ADAMTSL1: variants seen among roughly 807,000 people sequenced by gnomAD.
ADAMTSL1 encodes ADAMTS like 1, also known as ADAMTS-like protein 1.
ADAMTSL1 carries 126 observed loss-of-function variants against 201.8 expected under a neutral mutation model. That is an observed-to-expected ratio of 0.62 (90% CI 0.54 to 0.72). ADAMTSL1 has a LOEUF of 0.72. Ranked by LOEUF, ADAMTSL1 falls within the 30% of genes least tolerant of loss-of-function variation. The pLI, the probability that ADAMTSL1 is intolerant of heterozygous loss-of-function variation, is 0.00. For synonymous variants in ADAMTSL1, 1,121 were observed against 903.4 expected, an observed-to-expected ratio of 1.24 and a Z score of -4.32; for missense variants, 2,679 against 2,277.8, an observed-to-expected ratio of 1.18 and a Z score of -3.59.
chr9:18,802,746 G>A (rs1002209691), intron 20 of ADAMTSL1, among the ~76,000 whole-genome samples: 14 of 152,258 alleles, frequency 9.2e-5, no homozygotes, highest in African/African-American at 2.9e-4. Flanking sequence ...TTTCTGGGTT[G>A]TTTGGCGCAT....
chr9:18,081,167 A>C (rs1056839343), intron 1 of ADAMTSL1, among the ~76,000 whole-genome samples: 1 of 152,214 alleles, frequency 6.6e-6, no homozygotes, highest in Non-Finnish European at 1.5e-5. Flanking sequence ...TGATAAGTCT[A>C]GTCTATCAGA....
At chr9:18,471,570 A>G (rs1459293005), upstream of ADAMTSL1, among the ~76,000 whole-genome samples, 1 of 152,214 alleles carries the variant, frequency 6.6e-6, no homozygotes, top group African/African-American at 2.4e-5. Context: ...CCTTAACCCA[A>G]CTTGATTTTG....
At chr9:17,939,230 G>A (rs1038091566) in intron 1 of ADAMTSL1, among the ~76,000 whole-genome samples, 4 of 151,352 alleles carry the variant, frequency 2.6e-5, no homozygotes, top group Admixed American at 2.0e-4. Flanking sequence ...CCTTTCTCTT[G>A]TAAACTATTT....
At chr9:18,776,652 C>A in intron 18 of ADAMTSL1, 129 bp from the exon 19 acceptor site, 1 of 1,094,576 alleles carries the variant, frequency 9.1e-7, no homozygotes, top group Non-Finnish European at 1.3e-6. Flanking sequence ...CGTCCTCCGG[C>A]ACCTTCGTCT....
chr9:18,544,669 C>A (rs767822730), intron 3 of ADAMTSL1, among the ~76,000 whole-genome samples: 2 of 152,180 alleles, frequency 1.3e-5, no homozygotes, highest in African/African-American at 2.4e-5. Flanking sequence ...AAGCAATCAC[C>A]TATATTATTG....
At chr9:18,829,731 C>T (rs1824854192) in intron 22 of ADAMTSL1, 112 bp from the exon 23 acceptor site, 1 of 1,347,928 alleles carries the variant, frequency 7.4e-7, no homozygotes, top group East Asian at 2.3e-5. Flanking sequence ...ATAGTAATGC[C>T]TATCTTACAT....
At chr9:18,549,525 C>T (rs540487445) in intron 3 of ADAMTSL1, among the ~76,000 whole-genome samples, 2 of 151,944 alleles carry the variant, frequency 1.3e-5, no homozygotes, top group Non-Finnish European at 1.5e-5. Context: ...CAATGGTGAT[C>T]CCCAAAGGGG....
intron 13 of ADAMTSL1, among the ~76,000 whole-genome samples, chr9:18,694,108 C>T (rs1346893818): frequency 6.6e-6 from 1 of 152,044 alleles, no homozygotes; most frequent in East Asian, 1.9e-4. Flanking sequence ...TTTTAAACAA[C>T]CAGATCTCGT....
intron 4 of ADAMTSL1, among the ~76,000 whole-genome samples, chr9:18,614,292 A>C (rs1474207047): frequency 6.6e-6 from 1 of 152,136 alleles, no homozygotes; most frequent in Non-Finnish European, 1.5e-5. Context: ...GTGTCTCTTC[A>C]TTGCCATCTA....
rs1165469563 is a variant in ADAMTSL1, at chr9:18,892,612, GGTT to G, written c.4851+20_4851+22del. 28 of 1,550,680 alleles carry G rather than the reference GGTT, an allele frequency of 1.8e-5. No homozygotes were observed. Among genetic ancestry groups the G allele is most frequent in the Non-Finnish European group, 2.3e-5 (26 of 1,146,884 alleles). The stretch of plus-strand genomic sequence containing the variant: ...CTGGGGCCAGGTGAGGAGCCAGAGA[GGTT>G]GTTATTTGAAAGCTAAATCTAAAGG... On this transcript the variant is annotated intron_variant, in intron 26 of 28. Coordinates refer to ENST00000380548, the MANE Select transcript of ADAMTSL1 (RefSeq NM_001040272.6).
chr9:18,253,280 T>C (rs566117358), intron 2 of ADAMTSL1, among the ~76,000 whole-genome samples: 2 of 152,170 alleles, frequency 1.3e-5, no homozygotes, highest in East Asian at 3.9e-4. Context: ...ATTGGTTACC[T>C]CAGGAAGGAG....
chr9:18,372,074 A>T lies in ADAMTSL1; in HGVS notation c.208-132755A>T, dbSNP rs183025833. 9.5e-4 allele frequency among the ~76,000 whole-genome samples: 145 copies of T among 152,348 alleles called. 2 individuals carry two copies. The Middle Eastern group carries it at 0.034, about 36-fold the overall frequency. Reference sequence around the variant, plus strand: ...GAATAACAAAGAGACTTGAAAGTCAATAGCAAATCCTTCAACTGCACTTCC... The same window carrying T: ...GAATAACAAAGAGACTTGAAAGTCATTAGCAAATCCTTCAACTGCACTTCC... On this transcript the variant is annotated intron_variant, in intron 2 of 29. Transcript: ENST00000680146.
intron 7 of ADAMTSL1, among the ~76,000 whole-genome samples, chr9:18,652,219 A>G (rs557965544): frequency 1.4e-4 from 22 of 152,168 alleles, no homozygotes; most frequent in Non-Finnish European, 3.1e-4. Flanking sequence ...TAAAACTACA[A>G]AAATTGGCTG....
chr9:18,467,600 A>T (rs528313522), intron 2 of ADAMTSL1, among the ~76,000 whole-genome samples: 2 of 152,368 alleles, frequency 1.3e-5, no homozygotes, highest in Admixed American at 1.3e-4. Flanking sequence ...TGCAGTTAGC[A>T]GAAGGCTTTG....
intron 2 of ADAMTSL1, among the ~76,000 whole-genome samples, chr9:18,180,639 T>C (rs1587245412): frequency 6.7e-6 from 1 of 149,356 alleles, no homozygotes. Flanking sequence ...TAAAAGAGGA[T>C]ACAAACAAAT....
At chr9:18,826,106 C>G in intron 21 of ADAMTSL1, 178 bp from the exon 22 acceptor site, 3 of 687,636 alleles carry the variant, frequency 4.4e-6, no homozygotes, top group East Asian at 2.7e-5. Context: ...ACCCTGAAGT[C>G]TATATCCTTA....
intron 3 of ADAMTSL1, among the ~76,000 whole-genome samples, chr9:18,563,542 G>A (rs1348166532): frequency 6.6e-6 from 1 of 152,230 alleles, no homozygotes; most frequent in Non-Finnish European, 1.5e-5. Context: ...CTAGCGCTGT[G>A]CTGGGAGATC....
intron 2 of ADAMTSL1, among the ~76,000 whole-genome samples, chr9:18,333,041 A>G (rs16936603): frequency 0.27 from 41,053 of 152,138 alleles, 6,481 homozygotes; most frequent in East Asian, 0.51. Flanking sequence ...TCTCTTTCCC[A>G]CTTCAGAATG....
At chr9:18,032,789 A>G (rs2131611461) in intron 1 of ADAMTSL1, among the ~76,000 whole-genome samples, 1 of 152,194 alleles carries the variant, frequency 6.6e-6, no homozygotes. Flanking sequence ...AGAATCACAG[A>G]AGTCTGTGGT....
Sources: allele counts gnomAD v4.1 joint callset (sites outside exome capture counted in the v4.1 genomes callset), GRCh38; gene constraint gnomAD v4.1.1; transcripts MANE v1.5; gene names NCBI Gene and HGNC (gene_info 2026-07-23, HGNC 2026-07-21).